NAALADL2: variants seen among roughly 807,000 people sequenced by gnomAD.
NAALADL2 encodes inactive N-acetylated-alpha-linked acidic dipeptidase-like protein 2.
A neutral mutation model predicts 87.2 loss-of-function variants in NAALADL2; 76 were observed. The observed-to-expected ratio is 0.87, with a 90% CI of 0.72 to 1.05. The LOEUF (loss-of-function observed/expected upper bound fraction) is 1.05. NAALADL2 is among the 50% of genes least tolerant of loss of function. The pLI is 0.00. For synonymous variants in NAALADL2, 354 were observed against 331.0 expected (o/e 1.07, Z -0.75); for missense variants, 1,089 against 945.8 (o/e 1.15, Z -1.99).
intron 3 of NAALADL2, among the ~76,000 whole-genome samples, chr3:174,751,559 T>A (rs1202475950): frequency 1.3e-5 from 2 of 149,846 alleles, no homozygotes; most frequent in African/African-American, 4.9e-5. Context: ...GCGACTCGGG[T>A]GGCTGAGGCA....
At chr3:174,753,093 C>T (rs1283444317) in intron 3 of NAALADL2, among the ~76,000 whole-genome samples, 1 of 151,940 alleles carries the variant, frequency 6.6e-6, no homozygotes, top group Non-Finnish European at 1.5e-5. Flanking sequence ...TGTTGATCCC[C>T]TTTTTGCTTT....
intron 3 of NAALADL2, among the ~76,000 whole-genome samples, chr3:174,814,370 G>A (rs944057294): frequency 1.3e-5 from 2 of 152,188 alleles, no homozygotes; most frequent in South Asian, 4.1e-4. Context: ...GCCTCCCAAA[G>A]TGCTGGGATT....
chr3:175,324,035 A>C (rs1319214125), intron 4 of NAALADL2, 140 bp from the exon 5 acceptor site: 3 of 649,618 alleles, frequency 4.6e-6, no homozygotes, highest in East Asian at 3.1e-5. Flanking sequence ...AAACAAAAAA[A>C]AAAAAAAAGA....
intron 2 of NAALADL2, among the ~76,000 whole-genome samples, chr3:174,644,130 A>G (rs1723539287): frequency 6.6e-6 from 1 of 152,208 alleles, no homozygotes; most frequent in African/African-American, 2.4e-5. Context: ...TTTATTCACT[A>G]AAAATCATTG....
rs1409077415 is a variant in NAALADL2 at position 174,830,956 on chromosome 3, T to A, written c.-9+93210T>A. Among the ~76,000 whole-genome samples, 15 of 151,128 alleles carry A rather than the reference T, an allele frequency of 9.9e-5. No individual in the cohort carries two copies. The East Asian group carries it at 2.9e-3, about 29-fold the overall frequency. Reference sequence around the variant, plus strand: ...TGCTTGTGATTTTTGTACATTGATTTTGTATCCTGAGACTTTGCTGAAGTT... The same window carrying A: ...TGCTTGTGATTTTTGTACATTGATTATGTATCCTGAGACTTTGCTGAAGTT... On this transcript the variant is annotated intron_variant, in intron 3 of 3. Coordinates refer to the NAALADL2 transcript ENST00000434257.
At chr3:174,619,909 A>G (rs957852450) in intron 2 of NAALADL2, among the ~76,000 whole-genome samples, 2 of 152,008 alleles carry the variant, frequency 1.3e-5, no homozygotes, top group African/African-American at 2.4e-5. Context: ...GCACTATGCT[A>G]GGTGAATTAC....
intron 10 of NAALADL2, among the ~76,000 whole-genome samples, chr3:175,611,882 T>C (rs1426358516): frequency 1.3e-5 from 2 of 152,188 alleles, no homozygotes; most frequent in East Asian, 3.8e-4. Context: ...AACTATTCAT[T>C]CAGTTAAATG....
chr3:175,061,053 A>G (rs374962144), intron 1 of NAALADL2, among the ~76,000 whole-genome samples: 42 of 152,316 alleles, frequency 2.8e-4, no homozygotes, highest in African/African-American at 9.6e-4. Context: ...TCTCAAAAAA[A>G]CAAAAAAAAT....
At chr3:175,691,384 T>C (rs942411186) in intron 11 of NAALADL2, among the ~76,000 whole-genome samples, 1 of 151,684 alleles carries the variant, frequency 6.6e-6, no homozygotes, top group African/African-American at 2.4e-5. Context: ...TCGGATTCAC[T>C]GTTTTATTTG....
chr3:174,767,527 A>G (rs1713970438), intron 3 of NAALADL2, among the ~76,000 whole-genome samples: 1 of 152,140 alleles, frequency 6.6e-6, no homozygotes. Flanking sequence ...TGTCTACTAG[A>G]TAGGCTCTTG....
chr3:175,212,143 T>C (rs901949945), intron 2 of NAALADL2, among the ~76,000 whole-genome samples: 1 of 152,068 alleles, frequency 6.6e-6, no homozygotes, highest in Non-Finnish European at 1.5e-5. Context: ...GTAGAACAGA[T>C]GAAACACATT....
intron 1 of NAALADL2, among the ~76,000 whole-genome samples, chr3:174,966,530 C>T (rs1008494674): frequency 6.6e-6 from 1 of 152,064 alleles, no homozygotes; most frequent in East Asian, 1.9e-4. Flanking sequence ...GAAGGTAAAT[C>T]TCTTGACTTC....
intron 2 of NAALADL2, among the ~76,000 whole-genome samples, chr3:174,725,149 C>A (rs1434016472): frequency 6.6e-6 from 1 of 152,180 alleles, no homozygotes; most frequent in Non-Finnish European, 1.5e-5. Flanking sequence ...CTTGTAGGTA[C>A]TCTTCTAGTT....
chr3:175,529,445 G>C (rs529947153), intron 9 of NAALADL2, among the ~76,000 whole-genome samples: 1 of 152,136 alleles, frequency 6.6e-6, no homozygotes, highest in Non-Finnish European at 1.5e-5. Context: ...ATGGTGAGTG[G>C]TGCCACTCCC....
intron 3 of NAALADL2, among the ~76,000 whole-genome samples, chr3:174,844,834 GGT>G (rs1491199931): frequency 1.3e-5 from 1 of 76,448 alleles, no homozygotes; most frequent in African/African-American, 6.5e-5. Flanking sequence ...TAGTTCTAAT[GGT>G]TTTTTTTTTT....
intron 2 of NAALADL2, among the ~76,000 whole-genome samples, chr3:175,107,859 T>C (rs984344960): frequency 1.3e-5 from 2 of 151,914 alleles, no homozygotes; most frequent in African/African-American, 4.8e-5. Flanking sequence ...AAATGCTTAA[T>C]CATTTTCTTC....
intron 3 of NAALADL2, among the ~76,000 whole-genome samples, chr3:175,245,286 T>C (rs1747759350): frequency 6.6e-6 from 1 of 152,166 alleles, no homozygotes. Context: ...TTCTGGAAAA[T>C]GTTTAAAGTT....
chr3:174,784,239 A>G (rs549977), intron 3 of NAALADL2, among the ~76,000 whole-genome samples: 44,942 of 152,034 alleles, frequency 0.3, 6,696 homozygotes, highest in Middle Eastern at 0.34. Flanking sequence ...CCTTGAATCC[A>G]GATATTGGCT....
intron 9 of NAALADL2, among the ~76,000 whole-genome samples, chr3:175,506,986 T>A (rs1333524347): frequency 1.3e-5 from 2 of 152,092 alleles, no homozygotes; most frequent in South Asian, 4.1e-4. Context: ...GTGATGAAAC[T>A]GAGTACATCT....
Sources: gnomAD v4.1 joint callset for allele counts (sites outside exome capture counted in the v4.1 genomes callset) on GRCh38, gnomAD v4.1.1 for gene constraint, MANE v1.5 for transcripts, NCBI Gene and HGNC (gene_info 2026-07-23, HGNC 2026-07-21) for gene names.